Variants in KIFAP3 observed in about 807,000 individuals in gnomAD.
The protein encoded by KIFAP3 is kinesin-associated protein 3.
A neutral mutation model predicts 106.5 loss-of-function variants in KIFAP3; 68 were observed. That is an observed-to-expected ratio of 0.64 (90% CI 0.53 to 0.78). The LOEUF is 0.78. Ranked by LOEUF, KIFAP3 falls within the 30% of genes least tolerant of loss-of-function variation. KIFAP3 has a pLI of 0.00. For synonymous variants in KIFAP3, 320 were observed against 311.5 expected (o/e 1.03, Z -0.29); for missense variants, 780 against 941.8 (o/e 0.83, Z 2.25).
chr1:170,006,462 G>C (rs1304993501), intron 10 of KIFAP3, among the ~76,000 whole-genome samples: 1 of 152,144 alleles, frequency 6.6e-6, no homozygotes, highest in Non-Finnish European at 1.5e-5. Flanking sequence ...GGGGCCTGGA[G>C]GGTGGATAGG....
chr1:169,944,797 A>G (rs957895318), intron 19 of KIFAP3, among the ~76,000 whole-genome samples: 10 of 152,084 alleles, frequency 6.6e-5, no homozygotes, highest in African/African-American at 2.4e-4. Flanking sequence ...CCACGTCTGT[A>G]TGAGTCTGGC....
intron 10 of KIFAP3, among the ~76,000 whole-genome samples, chr1:170,002,728 T>C (rs1395943414): frequency 1.3e-5 from 2 of 152,208 alleles, no homozygotes; most frequent in Non-Finnish European, 2.9e-5. Context: ...ACTTTTTTAG[T>C]TAATTTGCAT....
At chr1:169,926,853 T>C (rs1182505812) in intron 19 of KIFAP3, among the ~76,000 whole-genome samples, 2 of 152,158 alleles carry the variant, frequency 1.3e-5, no homozygotes, top group East Asian at 3.8e-4. Flanking sequence ...AAACCAGTCT[T>C]TGTGATCCAT....
chr1:170,072,626 C>T (rs1671757231), intron 1 of KIFAP3, among the ~76,000 whole-genome samples: 1 of 152,062 alleles, frequency 6.6e-6, no homozygotes, highest in Non-Finnish European at 1.5e-5. Context: ...TGGAATTACT[C>T]AGGTAGGAAG....
intron 11 of KIFAP3, among the ~76,000 whole-genome samples, chr1:169,991,665 G>A (rs748044401): frequency 1.5e-4 from 23 of 152,000 alleles, no homozygotes; most frequent in Non-Finnish European, 2.6e-4. Flanking sequence ...ATTCAGAGAC[G>A]TGGGGAAGCA....
chr1:170,009,802 T>C (rs1313373825), intron 10 of KIFAP3, among the ~76,000 whole-genome samples: 1 of 152,180 alleles, frequency 6.6e-6, no homozygotes, highest in Admixed American at 6.6e-5. Context: ...GACATATCAA[T>C]GTCAAATGGC....
intron 11 of KIFAP3, among the ~76,000 whole-genome samples, chr1:169,986,365 A>T (rs75422765): frequency 1.8e-3 from 276 of 152,092 alleles, no homozygotes; most frequent in Middle Eastern, 0.01. Context: ...ATTCTAAGCA[A>T]ATACACTGAT....
intron 1 of KIFAP3, among the ~76,000 whole-genome samples, chr1:170,061,012 C>T (rs1031625102): frequency 4.6e-5 from 7 of 152,194 alleles, no homozygotes; most frequent in Admixed American, 6.5e-5. Flanking sequence ...AAAATTAATT[C>T]AAGGTGGATT....
At chr1:170,080,665 TTGCAGAAACGG>T (rs1557886229) in intron 1 of KIFAP3, among the ~76,000 whole-genome samples, 1 of 152,150 alleles carries the variant, frequency 6.6e-6, no homozygotes, top group East Asian at 1.9e-4. Flanking sequence ...TCACAGAAAG[TTGCAGAAACGG>T]TGCAGAGATA....
intron 10 of KIFAP3, among the ~76,000 whole-genome samples, chr1:170,004,035 C>T (rs1182661668): frequency 6.6e-6 from 1 of 152,038 alleles, no homozygotes; most frequent in Non-Finnish European, 1.5e-5. Context: ...AATCAATGTG[C>T]AAAAATCACA....
At chr1:169,991,536 G>A (rs1201519892) in intron 11 of KIFAP3, among the ~76,000 whole-genome samples, 1 of 152,082 alleles carries the variant, frequency 6.6e-6, no homozygotes, top group Non-Finnish European at 1.5e-5. Flanking sequence ...AAAATTAAAT[G>A]CTAGCTGGAA....
intron 1 of KIFAP3, among the ~76,000 whole-genome samples, chr1:170,083,335 A>G (rs1192829638): frequency 6.6e-6 from 1 of 152,200 alleles, no homozygotes; most frequent in African/African-American, 2.4e-5. Flanking sequence ...TTTCGTTCTC[A>G]TCTCCCAAAC....
Position 170,024,532 on chromosome 1 carries a change from CT to C in KIFAP3, c.905del (p.Lys302ArgfsTer3). On this transcript the variant is annotated frameshift_variant, in exon 9 of 20. Transcript: ENST00000361580. LOFTEE classifies it high-confidence loss of function. ...DTRTELKMRN[K>X]NIVHMLVKAL... is the part of the protein sequence containing the mutation. ...CTTTCACCAACATGTGAACTATGTT[CT>C]TGTTCCTCATTTTCAGTTCGGTACG... The C allele has an allele frequency of 6.2e-7, 1 of 1,605,692 alleles. No individual in the cohort carries two copies. Among genetic ancestry groups the C allele is most frequent in the Non-Finnish European group, 8.5e-7 (1 of 1,175,740 alleles).
intron 16 of KIFAP3, among the ~76,000 whole-genome samples, chr1:169,973,744 A>T (rs1666068400): frequency 6.6e-6 from 1 of 151,826 alleles, no homozygotes; most frequent in Non-Finnish European, 1.5e-5. Flanking sequence ...ATATTCTGTT[A>T]AATTATTATT....
At chr1:169,980,761 T>C (rs1666473030) in intron 15 of KIFAP3, among the ~76,000 whole-genome samples, 1 of 152,074 alleles carries the variant, frequency 6.6e-6, no homozygotes. Context: ...AAATAAGATT[T>C]GCACAAGAGA....
intron 2 of KIFAP3, among the ~76,000 whole-genome samples, chr1:170,047,334 G>T (rs942615869): frequency 6.6e-6 from 1 of 151,800 alleles, no homozygotes; most frequent in Non-Finnish European, 1.5e-5. Flanking sequence ...AAAAAAGTGA[G>T]ATCTGGCCGG....
chr1:169,975,572 TTC>T (rs1666180524), intron 16 of KIFAP3, among the ~76,000 whole-genome samples: 1 of 152,116 alleles, frequency 6.6e-6, no homozygotes, highest in South Asian at 2.1e-4. Flanking sequence ...TCAACAAAAA[TTC>T]TGTTTTTTCA....
chr1:169,978,002 T>A, intron 16 of KIFAP3, 83 bp downstream of exon 16: 1 of 741,410 alleles, frequency 1.3e-6, no homozygotes, highest in Non-Finnish European at 2.1e-6. Context: ...ATTTCAACAT[T>A]TGCAAAAAAA....
At chr1:170,084,912 A>G (rs956324746) in intron 1 of KIFAP3, 12 of 152,188 alleles carry the variant, frequency 7.9e-5, no homozygotes, top group African/African-American at 2.7e-4. Flanking sequence ...GTTTCTCTAT[A>G]TTTTATCCAC....
Sources: allele counts gnomAD v4.1 joint callset (sites outside exome capture counted in the v4.1 genomes callset), GRCh38; gene constraint gnomAD v4.1.1; transcripts MANE v1.5; gene names NCBI Gene and HGNC (gene_info 2026-07-23, HGNC 2026-07-21).